Variants in CNTN4 observed in about 807,000 individuals in gnomAD.
The protein encoded by CNTN4 is contactin 4, also known as contactin-4.
In CNTN4, 77 loss-of-function variants were observed where a neutral mutation model predicts 122.5. That is an observed-to-expected ratio of 0.63 (90% CI 0.52 to 0.76). The LOEUF is 0.76. Among genes scored for constraint, CNTN4 ranks in the 30% least tolerant of loss-of-function variants. The probability of loss-of-function intolerance (pLI) is 0.00; values close to 1 mark genes in which losing one functional copy is unlikely to be tolerated. For synonymous variants in CNTN4, 512 were observed against 447.0 expected (o/e 1.15, Z -1.83); for missense variants, 1,256 against 1,259.1 (o/e 1.00, Z 0.04).
intron 3 of CNTN4, among the ~76,000 whole-genome samples, chr3:2,401,610 A>G (rs1231140988): frequency 2.0e-5 from 3 of 152,088 alleles, no homozygotes; most frequent in African/African-American, 7.2e-5. Context: ...ATTGAAGACA[A>G]TCTGAGTAAT....
chr3:2,337,690 T>C (rs1575407767), intron 2 of CNTN4, among the ~76,000 whole-genome samples: 1 of 152,228 alleles, frequency 6.6e-6, no homozygotes, highest in East Asian at 1.9e-4. Context: ...ATGAATAAAA[T>C]TAAGTTTTCA....
At chr3:2,783,349 A>G (rs928229872) in intron 6 of CNTN4, among the ~76,000 whole-genome samples, 36 of 152,176 alleles carry the variant, frequency 2.4e-4, no homozygotes, top group African/African-American at 8.7e-4. Flanking sequence ...TCGTCTTGAA[A>G]AAGGTCACAG....
chr3:2,106,913 A>G (rs1359866830), intron 2 of CNTN4, among the ~76,000 whole-genome samples: 3 of 152,244 alleles, frequency 2.0e-5, no homozygotes. Flanking sequence ...TCTCTAGGGC[A>G]GGGGCAAAAT....
At chr3:2,500,885 T>C (rs2148999141) in intron 3 of CNTN4, among the ~76,000 whole-genome samples, 1 of 152,324 alleles carries the variant, frequency 6.6e-6, no homozygotes, top group South Asian at 2.1e-4. Flanking sequence ...AGGAACATTT[T>C]CTTCCCTGCA....
At chr3:2,725,382 G>A (rs7431865) in intron 4 of CNTN4, among the ~76,000 whole-genome samples, 62,681 of 152,010 alleles carry the variant, frequency 0.41, 15,931 homozygotes, top group Non-Finnish European at 0.56. Flanking sequence ...GAATCCTATA[G>A]TCCTCATTTT....
At chr3:2,183,309 C>A (rs2037101228) in intron 2 of CNTN4, among the ~76,000 whole-genome samples, 1 of 152,104 alleles carries the variant, frequency 6.6e-6, no homozygotes, top group Non-Finnish European at 1.5e-5. Flanking sequence ...AAGCAAGGCA[C>A]AATTTATCAT....
intron 3 of CNTN4, among the ~76,000 whole-genome samples, chr3:2,388,624 C>T (rs2046330855): frequency 6.6e-6 from 1 of 152,154 alleles, no homozygotes; most frequent in African/African-American, 2.4e-5. Flanking sequence ...GCAGGCAGAT[C>T]ACTGGAGGTC....
At chr3:2,193,033 G>A (rs568629208) in intron 2 of CNTN4, among the ~76,000 whole-genome samples, 22 of 152,202 alleles carry the variant, frequency 1.4e-4, no homozygotes, top group African/African-American at 5.3e-4. Context: ...CTCTCTTAGT[G>A]TATCAGCCAT....
At chr3:2,758,715 C>T (rs1001399191) in intron 6 of CNTN4, among the ~76,000 whole-genome samples, 3 of 152,096 alleles carry the variant, frequency 2.0e-5, no homozygotes, top group Non-Finnish European at 4.4e-5. Flanking sequence ...CCGTGTTGGC[C>T]TGGCTGGTCA....
intron 4 of CNTN4, among the ~76,000 whole-genome samples, chr3:2,626,534 C>G (rs1219746722): frequency 6.6e-6 from 1 of 151,602 alleles, no homozygotes; most frequent in African/African-American, 2.4e-5. Flanking sequence ...AATCCACAAT[C>G]TATTTTTCAT....
rs568806654 is a variant in CNTN4, at chr3:3,055,755, A to G, written c.2981-365A>G. Among the ~76,000 whole-genome samples the G allele has an allele frequency of 2.0e-5, 3 of 152,346 alleles. No homozygotes were observed. The East Asian group carries it at 5.8e-4, about 29-fold the overall frequency. Reference sequence around the variant, plus strand: ...CCAGTTTTTGCAAGATTTAAGTGTCATATTCATCTGTGCCCAGCAGAAAGA... The same window carrying G: ...CCAGTTTTTGCAAGATTTAAGTGTCGTATTCATCTGTGCCCAGCAGAAAGA... On this transcript the variant is annotated intron_variant, in intron 24 of 24. Transcript: ENST00000418658.
At chr3:2,108,207 T>A in intron 2 of CNTN4, among the ~76,000 whole-genome samples, 1 of 150,130 alleles carries the variant, frequency 6.7e-6, no homozygotes. Context: ...ATTGCCTCTC[T>A]CTTTGGCCTC....
intron 4 of CNTN4, among the ~76,000 whole-genome samples, chr3:2,731,373 C>A (rs2088668539): frequency 6.6e-6 from 1 of 152,102 alleles, no homozygotes; most frequent in African/African-American, 2.4e-5. Context: ...TTGCAGAACA[C>A]TGGTAGTCTG....
chr3:2,951,103 C>T (rs1263396835), intron 13 of CNTN4, among the ~76,000 whole-genome samples: 3 of 152,110 alleles, frequency 2.0e-5, no homozygotes, highest in African/African-American at 7.2e-5. Context: ...CCACGAGAAG[C>T]TTAGAATTGT....
chr3:2,468,064 C>T (rs992952228), intron 3 of CNTN4, among the ~76,000 whole-genome samples: 4 of 152,126 alleles, frequency 2.6e-5, no homozygotes, highest in Non-Finnish European at 5.9e-5. Flanking sequence ...CCATGCTGCT[C>T]CTAGTGAATT....
At chr3:2,539,637 A>C (rs2077953243) in intron 3 of CNTN4, among the ~76,000 whole-genome samples, 2 of 152,240 alleles carry the variant, frequency 1.3e-5, no homozygotes, top group South Asian at 4.1e-4. Context: ...TGATGCAAAA[A>C]TCAATGAGAT....
chr3:2,860,222 T>C (rs1203146999), intron 7 of CNTN4, among the ~76,000 whole-genome samples: 1 of 152,234 alleles, frequency 6.6e-6, no homozygotes, highest in African/African-American at 2.4e-5. Flanking sequence ...GTGAAAAGCT[T>C]TCACTTTATG....
At chr3:2,785,934 C>T (rs1365169186) in intron 6 of CNTN4, among the ~76,000 whole-genome samples, 1 of 137,020 alleles carries the variant, frequency 7.3e-6, no homozygotes, top group Non-Finnish European at 1.5e-5. Context: ...ATAAAAACCG[C>T]AGACCCCACT....
At chr3:2,122,813 C>A (rs2033889460) in intron 2 of CNTN4, among the ~76,000 whole-genome samples, 1 of 152,180 alleles carries the variant, frequency 6.6e-6, no homozygotes. Context: ...TTGCAACTTT[C>A]ACGAAGCCTC....
Sources: allele counts gnomAD v4.1 joint callset (sites outside exome capture counted in the v4.1 genomes callset), GRCh38; gene constraint gnomAD v4.1.1; transcripts MANE v1.5; gene names NCBI Gene and HGNC (gene_info 2026-07-23, HGNC 2026-07-21).